The following MORC1 variants were observed in gnomAD, a reference collection of about 807,000 sequenced individuals.
The protein encoded by MORC1 is MORC family CW-type zinc finger protein 1.
MORC1 carries 59 observed loss-of-function variants against 134.9 expected under a neutral mutation model. The observed-to-expected ratio is 0.44, with a 90% CI of 0.35 to 0.54. The LOEUF is 0.54. Ranked by LOEUF, MORC1 falls within the 20% of genes least tolerant of loss-of-function variation. MORC1 has a pLI of 0.00. For missense variants in MORC1, 947 were observed against 1,134.5 expected (o/e 0.83, Z 2.37); for synonymous variants, 395 against 391.7 (o/e 1.01, Z -0.10).
chr3:108,970,661 G>C (rs912859326), intron 25 of MORC1, among the ~76,000 whole-genome samples: 12 of 152,200 alleles, frequency 7.9e-5, no homozygotes, highest in African/African-American at 2.9e-4. Context: ...CGAGCATGGA[G>C]GTGGAGAAAA....
At chr3:108,973,103 G>A (rs539942867) in intron 24 of MORC1, among the ~76,000 whole-genome samples, 41 of 152,148 alleles carry the variant, frequency 2.7e-4, no homozygotes, top group African/African-American at 9.9e-4. Context: ...CTTTAAACAC[G>A]ATTTCATGTT....
In MORC1 at chr3:109,081,932, G is replaced by A. The variant is rs532484273; in HGVS notation, c.689+11504C>T. On this transcript the variant is annotated intron_variant, in intron 8 of 27. Coordinates refer to ENST00000232603, the MANE Select transcript of MORC1 (RefSeq NM_014429.4). ...GAGATCTGTCCCTGCTTCAATCCAC[G>A]AGAAGCCTCACAAGTGTCTGGAGGG... 3.9e-5 allele frequency among the ~76,000 whole-genome samples: 6 copies of A among 152,222 alleles called. No homozygotes were observed. The East Asian group carries it at 5.8e-4, about 15-fold the overall frequency.
intron 17 of MORC1, among the ~76,000 whole-genome samples, chr3:109,014,298 A>G (rs1001338350): frequency 3.3e-5 from 5 of 152,164 alleles, no homozygotes; most frequent in African/African-American, 1.2e-4. Context: ...GTAAACTCCC[A>G]ATTATTTGTT....
intron 14 of MORC1, among the ~76,000 whole-genome samples, chr3:109,053,683 C>A (rs1034864442): frequency 1.3e-5 from 2 of 152,116 alleles, no homozygotes; most frequent in Non-Finnish European, 1.5e-5. Flanking sequence ...ATGCTCAACA[C>A]CAGGGTGACA....
intron 21 of MORC1, among the ~76,000 whole-genome samples, chr3:108,995,321 A>C (rs987073385): frequency 6.6e-6 from 1 of 152,150 alleles, no homozygotes; most frequent in Non-Finnish European, 1.5e-5. Flanking sequence ...AAAAAATTCC[A>C]CTTCCTTCCC....
At chr3:108,988,344 A>G (rs186485180) in intron 21 of MORC1, among the ~76,000 whole-genome samples, 1 of 152,332 alleles carries the variant, frequency 6.6e-6, no homozygotes, top group Admixed American at 6.5e-5. Flanking sequence ...TATTTCAAAA[A>G]ATTTTTGTAC....
Position 109,005,121 on chromosome 3 carries a change from C to G in MORC1, c.1962G>C (p.Gln654His). The change falls in exon 19 of 28, where the codon CAG becomes CAC. Residue 654 changes from glutamine (Q) to histidine (H), a missense_variant. Physicochemically the swap from Gln to His is conservative, Grantham distance 24. Around this residue, in one of 3 missense-constraint regions of MORC1, gnomAD observed 722 missense variants for 817.0 expected, o/e 0.88. Coordinates refer to ENST00000232603, the MANE Select transcript of MORC1 (RefSeq NM_014429.4). ...SMEEKMNSQQ[Q>H]RIPVALPENV... is the part of the protein sequence containing the mutation. ...TTTCTGGCAGAGCTACTGGAATTCTCTGCTGTTGAGAGTTCATTTTCTCCT... is the reference window on the plus strand; with the variant it reads ...TTTCTGGCAGAGCTACTGGAATTCTGTGCTGTTGAGAGTTCATTTTCTCCT... The G allele has an allele frequency of 6.2e-7, 1 of 1,613,612 alleles. No homozygotes were observed. The highest frequency in any genetic ancestry group is 8.5e-7 in the Non-Finnish European group (1 of 1,179,896).
chr3:108,998,990 G>A (rs1948316998), intron 21 of MORC1, among the ~76,000 whole-genome samples: 1 of 152,210 alleles, frequency 6.6e-6, no homozygotes, highest in Non-Finnish European at 1.5e-5. Flanking sequence ...AGGGCTCCAT[G>A]AAAAACTCAC....
intron 17 of MORC1, among the ~76,000 whole-genome samples, chr3:109,027,236 C>G (rs976683543): frequency 6.6e-6 from 1 of 152,142 alleles, no homozygotes; most frequent in Non-Finnish European, 1.5e-5. Context: ...TTCTTACACT[C>G]GAAATTGTCA....
chr3:108,971,890 A>G (rs971542818), intron 24 of MORC1, among the ~76,000 whole-genome samples: 1 of 152,140 alleles, frequency 6.6e-6, no homozygotes, highest in Admixed American at 6.5e-5. Flanking sequence ...CAACCTCACA[A>G]TGCCTCGCAA....
At chr3:109,022,768 T>C (rs1948989249) in intron 17 of MORC1, among the ~76,000 whole-genome samples, 1 of 152,240 alleles carries the variant, frequency 6.6e-6, no homozygotes, top group South Asian at 2.1e-4. Context: ...ATCAAATTAT[T>C]CTTTCCATCC....
chr3:109,010,983 G>A (rs1948667863), intron 17 of MORC1, among the ~76,000 whole-genome samples: 1 of 152,096 alleles, frequency 6.6e-6, no homozygotes, highest in Admixed American at 6.6e-5. Context: ...GTTTTGCGGT[G>A]GATATATGCT....
At chr3:109,113,295 T>C (rs967781138) in intron 2 of MORC1, among the ~76,000 whole-genome samples, 1 of 152,322 alleles carries the variant, frequency 6.6e-6, no homozygotes, top group Admixed American at 6.5e-5. Flanking sequence ...CTTTATTCTT[T>C]TTCTCTACTT....
At chr3:109,099,589 C>A in intron 5 of MORC1, 123 bp from the exon 6 acceptor site, 1 of 674,252 alleles carries the variant, frequency 1.5e-6, no homozygotes, top group East Asian at 3.4e-5. Context: ...TCTGCTGACC[C>A]GTCATCAAGA....
intron 24 of MORC1, among the ~76,000 whole-genome samples, chr3:108,972,002 C>A (rs1947397026): frequency 6.6e-6 from 1 of 152,198 alleles, no homozygotes; most frequent in Non-Finnish European, 1.5e-5. Flanking sequence ...AGGCTGACTA[C>A]AGACTTACTG....
At chr3:109,097,278 T>C (rs888998789) in intron 6 of MORC1, among the ~76,000 whole-genome samples, 6 of 152,172 alleles carry the variant, frequency 3.9e-5, no homozygotes, top group African/African-American at 1.4e-4. Context: ...AACTAGATAA[T>C]GAAGCAAAAC....
intron 17 of MORC1, among the ~76,000 whole-genome samples, chr3:109,012,825 C>A (rs531994282): frequency 6.6e-6 from 1 of 152,138 alleles, no homozygotes; most frequent in Admixed American, 6.6e-5. Flanking sequence ...CTGTTTTCTA[C>A]ATAAACTATC....
intron 15 of MORC1, 126 bp downstream of exon 15, chr3:109,035,214 G>T (rs1949346117): frequency 8.3e-6 from 7 of 840,494 alleles, no homozygotes; most frequent in African/African-American, 1.8e-5. Flanking sequence ...CTTTCTTCCA[G>T]ACTGTAAACT....
At chr3:109,033,702 T>A (rs973281336) in intron 15 of MORC1, among the ~76,000 whole-genome samples, 2 of 152,182 alleles carry the variant, frequency 1.3e-5, no homozygotes, top group African/African-American at 4.8e-5. Context: ...AAAAGATTAA[T>A]ATTATATTAG....
Sources: allele counts gnomAD v4.1 joint callset (sites outside exome capture counted in the v4.1 genomes callset), GRCh38; gene constraint gnomAD v4.1.1; regional missense constraint gnomAD v4.1.1; transcripts MANE v1.5; gene names NCBI Gene and HGNC (gene_info 2026-07-23, HGNC 2026-07-21).